PLS3: variants seen among roughly 807,000 people sequenced by gnomAD.
The protein encoded by PLS3 is plastin 3.
PLS3 carries 11 observed loss-of-function variants against 46.5 expected under a neutral mutation model. The ratio of observed to expected loss-of-function variants is 0.24; its 90% CI spans 0.15 to 0.39. PLS3 has a LOEUF of 0.39. Ranked by LOEUF, PLS3 falls within the 10% of genes least tolerant of loss-of-function variation. PLS3 has a pLI of 1.00. For missense variants in PLS3, 308 were observed against 461.8 expected (o/e 0.67, Z 3.05); for synonymous variants, 167 against 162.2 (o/e 1.03, Z -0.22).
intron 2 of PLS3, among the ~76,000 whole-genome samples, chrX:115,611,405 A>C (rs2074547518): frequency 8.9e-6 from 1 of 112,732 alleles, no homozygotes; most frequent in Non-Finnish European, 1.9e-5. Context: ...GATACCACTT[A>C]CTGTAAGAAA....
In PLS3 at chrX:115,577,295, A is replaced by G. The variant is rs142557034; in HGVS notation, c.-9+16035A>G. Among the ~76,000 whole-genome samples, 996 of 111,914 alleles carry G rather than the reference A, an allele frequency of 8.9e-3. 6 individuals are homozygous for G. Among genetic ancestry groups the G allele is most frequent in the Non-Finnish European group, 0.014 (721 of 53,227 alleles). On this transcript the variant is annotated intron_variant, in intron 1 of 15. Coordinates refer to ENST00000355899, the MANE Select transcript of PLS3 (RefSeq NM_005032.7). ...CCTAGCTAATGGAAATGCATTAGCAATAGCTTTACAGTGGTAAGCTATTTT... is the reference window on the plus strand; with the variant it reads ...CCTAGCTAATGGAAATGCATTAGCAGTAGCTTTACAGTGGTAAGCTATTTT...
intron 10 of PLS3, 32 bp downstream of exon 10, chrX:115,643,540 G>C: frequency 1.2e-6 from 1 of 850,311 alleles, no homozygotes; most frequent in Non-Finnish European, 1.7e-6. Flanking sequence ...GAATGTGTGG[G>C]ACTATAGAGT....
At chrX:115,594,493 C>G (rs2074368493) in intron 1 of PLS3, among the ~76,000 whole-genome samples, 2 of 111,797 alleles carry the variant, frequency 1.8e-5, no homozygotes, top group Non-Finnish European at 3.8e-5. Context: ...CTGCAAGAGG[C>G]ATTTTCAGTG....
intron 1 of PLS3, among the ~76,000 whole-genome samples, chrX:115,578,691 C>CAAAAAAAAAAAA (rs373605509): frequency 7.4e-5 from 2 of 26,964 alleles, no homozygotes; most frequent in Non-Finnish European, 1.4e-4. Flanking sequence ...CGCCACTGCA[C>CAAAAAAAAAAAA]AAAAAAAAAA....
intron 1 of PLS3, among the ~76,000 whole-genome samples, chrX:115,594,644 CCTCTCTCTCT>C (rs782282497): frequency 2.1e-5 from 2 of 96,546 alleles, no homozygotes; most frequent in South Asian, 4.7e-4. Flanking sequence ...TCTCTCCCTC[CCTCTCTCTCT>C]CTCTCTCTCT....
Position 115,631,939 on chromosome X carries a change from G to A in PLS3, c.500+1972G>A, listed in dbSNP as rs182938252. Among the ~76,000 whole-genome samples, 5 of 109,800 alleles carry A rather than the reference G, an allele frequency of 4.6e-5. No individual in the cohort carries two copies. In the East Asian group the frequency reaches 1.5e-3, roughly 32 times the overall value. ...ATGCCTCAGCCTCCCGAGTAGCTGG[G>A]ACTACAGGTGCTCACCACCGCACCC... On this transcript the variant is annotated intron_variant, in intron 5 of 15. Coordinates refer to ENST00000355899, the MANE Select transcript of PLS3 (RefSeq NM_005032.7).
intron 2 of PLS3, among the ~76,000 whole-genome samples, chrX:115,615,807 G>T (rs925288244): frequency 9.8e-5 from 11 of 111,688 alleles, no homozygotes; most frequent in Admixed American, 2.9e-4. Context: ...AAACCAAAAG[G>T]TTGAGAAGTG....
At chrX:115,594,601 A>G (rs932400174) in intron 1 of PLS3, among the ~76,000 whole-genome samples, 29 of 106,523 alleles carry the variant, frequency 2.7e-4, no homozygotes, top group Non-Finnish European at 4.3e-4. Flanking sequence ...GAAGCATGGT[A>G]ACTAGTCTGA....
chrX:115,626,974 A>G (rs148239944), intron 3 of PLS3, among the ~76,000 whole-genome samples: 1,738 of 108,271 alleles, frequency 0.016, 38 homozygotes, highest in African/African-American at 0.056. Flanking sequence ...TCAGCCTCCC[A>G]AGTAGCTGGG....
chrX:115,629,275 T>C lies in PLS3; in HGVS notation c.315T>C (p.Ala105=), dbSNP rs1556638897. The C allele has an allele frequency of 8.3e-7, 1 of 1,206,511 alleles. No individual in the cohort carries two copies. The highest frequency in any genetic ancestry group is 2.3e-4 in the Middle Eastern group (1 of 4,336). The change falls in exon 4 of 16, where the codon GCT becomes GCC. Residue 105 remains alanine, a synonymous_variant. Coordinates refer to ENST00000355899, the MANE Select transcript of PLS3 (RefSeq NM_005032.7). The part of the protein sequence containing the change: ...KAINRKEGIC[A]LGGTSELSSE... The stretch of plus-strand genomic sequence containing the variant: ...TCAACAGGAAAGAAGGTATTTGTGC[T>C]CTGGGTGGAACTTCAGAGTTGTCCA...
intron 3 of PLS3, among the ~76,000 whole-genome samples, chrX:115,628,401 A>G (rs1156738523): frequency 2.7e-5 from 3 of 112,520 alleles, no homozygotes; most frequent in African/African-American, 9.7e-5. Flanking sequence ...TACGGTTTCT[A>G]CATCTTGCTC....
In PLS3 at chrX:115,611,638, C is replaced by G. The variant is rs146870553; in HGVS notation, c.73+1315C>G. ...TAGGCACCATGCCTTATTAAGTACTCATCTCCTCAAGTAAATGCTGAATAC... is the reference window on the plus strand; with the variant it reads ...TAGGCACCATGCCTTATTAAGTACTGATCTCCTCAAGTAAATGCTGAATAC... On this transcript the variant is annotated intron_variant, in intron 2 of 15. Coordinates refer to ENST00000355899, the MANE Select transcript of PLS3 (RefSeq NM_005032.7). Among the ~76,000 whole-genome samples, 676 of 111,781 alleles carry G rather than the reference C, an allele frequency of 6.0e-3. 7 individuals carry two copies. The highest frequency in any genetic ancestry group is 0.021 in the African/African-American group (639 of 30,910).
intron 5 of PLS3, among the ~76,000 whole-genome samples, chrX:115,630,714 CAT>C (rs1556639176): frequency 1.1e-5 from 1 of 94,632 alleles, no homozygotes; most frequent in Non-Finnish European, 2.0e-5. Flanking sequence ...TATATATATA[CAT>C]ATATAAAATA....
intron 5 of PLS3, among the ~76,000 whole-genome samples, chrX:115,631,282 G>A (rs782489406): frequency 9.5e-4 from 103 of 108,319 alleles, no homozygotes; most frequent in African/African-American, 3.3e-3. Flanking sequence ...TGTTGGTCAG[G>A]CTGGTCTCGA....
chrX:115,646,270 G>A, intron 12 of PLS3, 84 bp downstream of exon 12: 1 of 879,025 alleles, frequency 1.1e-6, no homozygotes, highest in African/African-American at 2.0e-5. Flanking sequence ...TCTTGACGCT[G>A]AGCTTCTTGA....
In PLS3 at chrX:115,630,694, CAT is replaced by C. The variant is rs1270624565; in HGVS notation, c.500+734_500+735del. 8.6e-5 allele frequency among the ~76,000 whole-genome samples: 8 copies of C among 93,146 alleles called. No individual in the cohort carries two copies. In the South Asian group the frequency reaches 1.4e-3, roughly 16 times the overall value. 80.9% of individuals were successfully genotyped at this position (93,146 alleles called of 115,157 possible). A position where few individuals can be genotyped will look rare whatever the true frequency, so the allele number is the denominator to read the frequency against. ...TAACTATATATATATAAAATATATA[CAT>C]ATATATGTATATATATACATATATA... On this transcript the variant is annotated intron_variant, in intron 5 of 15. Coordinates refer to ENST00000355899, the MANE Select transcript of PLS3 (RefSeq NM_005032.7).
chrX:115,615,017 C>G, intron 2 of PLS3, among the ~76,000 whole-genome samples: 1 of 110,802 alleles, frequency 9.0e-6, no homozygotes, highest in East Asian at 2.8e-4. Context: ...TAGACAGATT[C>G]AAGGATGTTT....
intron 7 of PLS3, among the ~76,000 whole-genome samples, chrX:115,635,650 C>CAAA (rs10606256): frequency 6.0e-4 from 13 of 21,825 alleles, no homozygotes; most frequent in African/African-American, 9.4e-4. Flanking sequence ...GACTCTGTCT[C>CAAA]AAAAAAAAAA....
rs1556642181 is a variant in PLS3 at position 115,649,435 on chromosome X, A to G, written c.1767A>G (p.Ala589=). ...TTGTTTCCCCCTAAAATAGGTATGC[A>G]GTGTCAATGGCTAGAAGAATCGGAG... ...EDDKHNNAKY[A]VSMARRIGAR... Residue 589 remains alanine (A), a synonymous_variant, in exon 16 of 16, where the codon GCA becomes GCG. Transcript: ENST00000355899. The G allele has an allele frequency of 8.3e-7, 1 of 1,203,005 alleles. No individual in the cohort carries two copies. Among genetic ancestry groups the G allele is most frequent in the African/African-American group, 1.8e-5 (1 of 57,071 alleles).
Sources: gnomAD v4.1 joint callset for allele counts (sites outside exome capture counted in the v4.1 genomes callset) on GRCh38, gnomAD v4.1.1 for gene constraint, MANE v1.5 for transcripts, NCBI Gene and HGNC (gene_info 2026-07-23, HGNC 2026-07-21) for gene names.